Variants in CUBN observed in about 807,000 individuals in gnomAD.
The protein encoded by CUBN is 460 kDa receptor.
CUBN carries 282 observed loss-of-function variants against 405.3 expected under a neutral mutation model. That is an observed-to-expected ratio of 0.70 (90% CI 0.63 to 0.77). The LOEUF (loss-of-function observed/expected upper bound fraction) is 0.77, where lower values mean the gene tolerates loss of function less well. Ranked by LOEUF, CUBN falls within the 30% of genes least tolerant of loss-of-function variation. CUBN has a pLI of 0.00. For missense variants in CUBN, 4,514 were observed against 4,475.2 expected (o/e 1.01, Z -0.25); for synonymous variants, 1,684 against 1,617.0 (o/e 1.04, Z -0.99).
intron 6 of CUBN, among the ~76,000 whole-genome samples, chr10:17,120,323 G>A (rs1235035914): frequency 6.6e-6 from 1 of 152,076 alleles, no homozygotes; most frequent in African/African-American, 2.4e-5. Flanking sequence ...TCTAACATAT[G>A]CCTGAATTAC....
intron 57 of CUBN, among the ~76,000 whole-genome samples, chr10:16,875,461 A>G (rs1445500054): frequency 1.3e-5 from 2 of 152,202 alleles, no homozygotes; most frequent in Admixed American, 1.3e-4. Context: ...ACATCCTCAG[A>G]AATGAGGAAC....
At chr10:17,072,010 A>G in intron 17 of CUBN, 39 bp from the exon 18 acceptor site, 2 of 1,559,338 alleles carry the variant, frequency 1.3e-6, no homozygotes, top group African/African-American at 1.4e-5. Context: ...ATTCAAATAA[A>G]GAAACTTACG....
intron 44 of CUBN, among the ~76,000 whole-genome samples, chr10:16,919,417 G>T (rs1401480609): frequency 1.3e-5 from 2 of 152,186 alleles, no homozygotes. Context: ...CAAGGAAAGA[G>T]AAAAATGTTT....
rs950293452 is a variant in CUBN, at chr10:17,126,670, C to T, written c.387+91G>A. ...AAGCAAGTTTTTAATATTAATCATC[C>T]ATTCACCTTCAAAATAAGAATAGCA... On this transcript the variant is annotated intron_variant, in intron 4 of 66. Coordinates refer to ENST00000377833, the MANE Select transcript of CUBN (RefSeq NM_001081.4). The T allele has an allele frequency of 1.4e-5, 19 of 1,338,750 alleles. No individual in the cohort carries two copies. In the African/African-American group the frequency reaches 1.9e-4, roughly 13 times the overall value. The allele number at this position is 1,338,750 out of a possible 1,614,324, so 82.9% of individuals were successfully genotyped here.
Position 17,044,441 on chromosome 10 carries a change from A to G in CUBN, c.3673-458T>C, listed in dbSNP as rs568740641. ...AGGCAATTAAGCTGTGGACATGTGCAGCAGTAATAAGCGTGTGAGCTTACA... is the reference window on the plus strand; with the variant it reads ...AGGCAATTAAGCTGTGGACATGTGCGGCAGTAATAAGCGTGTGAGCTTACA... On this transcript the variant is annotated intron_variant, in intron 25 of 66. Transcript: ENST00000377833. 2.6e-5 allele frequency among the ~76,000 whole-genome samples: 4 copies of G among 152,142 alleles called. No homozygotes were observed. In the East Asian group the frequency reaches 7.7e-4, roughly 29 times the overall value.
chr10:16,828,156 A>C (rs562021653), intron 66 of CUBN, among the ~76,000 whole-genome samples: 38 of 149,400 alleles, frequency 2.5e-4, no homozygotes, highest in Non-Finnish European at 4.5e-4. Context: ...CACTGACGTC[A>C]CAGAGGGAGC....
rs778734246 is a variant in CUBN, at chr10:17,049,365, C to T, written c.3140-1762G>A. Among the ~76,000 whole-genome samples, 6 of 152,162 alleles carry T rather than the reference C, an allele frequency of 3.9e-5. No individual in the cohort carries two copies. In the East Asian group the frequency reaches 1.2e-3, roughly 29 times the overall value. Reference sequence around the variant, plus strand: ...CAAATATTTAGAGGAAATTATCTGTCGTCACTTGTTCTTGCTTACTCACTG... The same window carrying T: ...CAAATATTTAGAGGAAATTATCTGTTGTCACTTGTTCTTGCTTACTCACTG... On this transcript the variant is annotated intron_variant, in intron 22 of 66. Transcript: ENST00000377833.
At chr10:17,123,546 G>T in intron 5 of CUBN, 42 bp downstream of exon 5, 2 of 1,403,708 alleles carry the variant, frequency 1.4e-6, no homozygotes, top group Non-Finnish European at 1.0e-6. Flanking sequence ...AACCACAGAT[G>T]CTGACCTGCC....
chr10:17,024,671 T>A lies in CUBN; in HGVS notation c.4018-4688A>T, dbSNP rs531403568. On this transcript the variant is annotated intron_variant, in intron 27 of 66. Transcript: ENST00000377833. Reference sequence around the variant, plus strand: ...GGCATGCAGTACCATGCCCAGCTACTTTTTTTGTATTTTTTGTAGAGACAG... The same window carrying A: ...GGCATGCAGTACCATGCCCAGCTACATTTTTTGTATTTTTTGTAGAGACAG... 1.6e-4 allele frequency among the ~76,000 whole-genome samples: 24 copies of A among 152,086 alleles called. 2 individuals carry two copies. In the South Asian group the frequency reaches 1.9e-3, roughly 12 times the overall value.
At chr10:17,045,429 G>C (rs1835111294) in intron 24 of CUBN, among the ~76,000 whole-genome samples, 1 of 145,868 alleles carries the variant, frequency 6.9e-6, no homozygotes, top group African/African-American at 2.5e-5. Context: ...GCATGATCTT[G>C]ACTCACTGCA....
At chr10:17,055,174 A>G (rs1835363237) in intron 22 of CUBN, among the ~76,000 whole-genome samples, 1 of 152,144 alleles carries the variant, frequency 6.6e-6, no homozygotes, top group South Asian at 2.1e-4. Flanking sequence ...AGAATAAAAA[A>G]AGAAAAGCTT....
intron 31 of CUBN, among the ~76,000 whole-genome samples, chr10:16,962,001 G>C (rs955601110): frequency 3.3e-5 from 5 of 151,968 alleles, no homozygotes; most frequent in Admixed American, 1.3e-4. Context: ...CGTGAGCCAT[G>C]GCGCCCGGCC....
chr10:16,938,440 T>TC (rs1393733511), intron 38 of CUBN, among the ~76,000 whole-genome samples: 1 of 152,130 alleles, frequency 6.6e-6, no homozygotes, highest in Non-Finnish European at 1.5e-5. Context: ...TATGTAATAG[T>TC]CATTCCCATA....
chr10:16,936,405 A>G (rs1054983914), intron 39 of CUBN, among the ~76,000 whole-genome samples: 1 of 152,236 alleles, frequency 6.6e-6, no homozygotes, highest in South Asian at 2.1e-4. Flanking sequence ...ATTCAGTGTC[A>G]TGAAAGCACC....
At position 16,892,907 on chromosome 10, in the gene CUBN, A is replaced by G. The variant is rs541884829; in HGVS notation, c.8599-2380T>C. On this transcript the variant is annotated intron_variant, in intron 54 of 66. Coordinates refer to ENST00000377833, the MANE Select transcript of CUBN (RefSeq NM_001081.4). Reference sequence around the variant, plus strand: ...AATCCAAGAATGCTTAAGTGCTTATACTTTTCTGAAGTCATTAATTATAGA... The same window carrying G: ...AATCCAAGAATGCTTAAGTGCTTATGCTTTTCTGAAGTCATTAATTATAGA... Among the ~76,000 whole-genome samples the G allele has an allele frequency of 3.3e-5, 5 of 152,328 alleles. No homozygotes were observed. The South Asian group carries it at 1.0e-3, about 32-fold the overall frequency.
At chr10:16,926,764 A>C (rs1242825381) in intron 41 of CUBN, among the ~76,000 whole-genome samples, 3 of 152,066 alleles carry the variant, frequency 2.0e-5, no homozygotes, top group Non-Finnish European at 2.9e-5. Context: ...TGGCATGGAA[A>C]AGGGTGGGAA....
intron 59 of CUBN, among the ~76,000 whole-genome samples, chr10:16,856,773 T>C (rs1170066177): frequency 2.6e-5 from 4 of 152,182 alleles, no homozygotes; most frequent in African/African-American, 9.7e-5. Flanking sequence ...ACAGACTGGC[T>C]TGACTTCAGG....
intron 28 of CUBN, among the ~76,000 whole-genome samples, chr10:17,009,223 T>C (rs2131756706): frequency 6.6e-6 from 1 of 152,356 alleles, no homozygotes; most frequent in Non-Finnish European, 1.5e-5. Flanking sequence ...AAAACAATTT[T>C]ATATTTCGGT....
At chr10:17,068,922 C>T in intron 19 of CUBN, 152 bp from the exon 20 acceptor site, 3 of 679,446 alleles carry the variant, frequency 4.4e-6, no homozygotes, top group Non-Finnish European at 7.7e-6. Context: ...CCAAAAAACA[C>T]TCATATCCTT....
Sources: allele counts gnomAD v4.1 joint callset (sites outside exome capture counted in the v4.1 genomes callset), GRCh38; gene constraint gnomAD v4.1.1; transcripts MANE v1.5; gene names NCBI Gene and HGNC (gene_info 2026-07-23, HGNC 2026-07-21).